Variants in POLA1 observed in about 807,000 individuals in gnomAD.
POLA1 encodes DNA polymerase alpha 1, catalytic subunit, also known as DNA polymerase alpha catalytic subunit.
In POLA1, 15 loss-of-function variants were observed where a neutral mutation model predicts 124.0. The ratio of observed to expected loss-of-function variants is 0.12; its 90% CI spans 0.08 to 0.19. The LOEUF is 0.19. POLA1 is among the 10% of genes least tolerant of loss of function. The probability of loss-of-function intolerance (pLI) is 1.00; values close to 1 mark genes in which losing one functional copy is unlikely to be tolerated. For missense variants in POLA1, 886 were observed against 1,103.4 expected (o/e 0.80, Z 2.79); for synonymous variants, 408 against 389.4 (o/e 1.05, Z -0.56).
chrX:24,759,227 C>T (rs1465001420), intron 26 of POLA1, among the ~76,000 whole-genome samples: 1 of 111,823 alleles, frequency 8.9e-6, no homozygotes, highest in Non-Finnish European at 1.9e-5. Context: ...CTTTTTCCAC[C>T]CATATATTGG....
intron 36 of POLA1, among the ~76,000 whole-genome samples, chrX:24,972,255 G>A (rs1452077844): frequency 1.8e-5 from 2 of 112,412 alleles, no homozygotes; most frequent in Admixed American, 9.5e-5. Context: ...ACAGGCGTGA[G>A]CCACCGGGCC....
chrX:24,717,633 G>A lies in POLA1; in HGVS notation c.962G>A (p.Ser321Asn). 1 of 1,208,849 alleles carries A rather than the reference G, an allele frequency of 8.3e-7. No individual in the cohort carries two copies. Among genetic ancestry groups the A allele is most frequent in the Non-Finnish European group, 1.1e-6 (1 of 892,846 alleles). ...TGGGACATTGATCAAGAAGGTGATA[G>A]CAGTTTCTCAGTGCAAGAAGTTCAA... ...SCWDIDQEGD[S>N]SFSVQEVQVD... Residue 321 changes from serine to asparagine, a missense_variant, in exon 10 of 37, where the codon AGC becomes AAC. Ser to Asn is a conservative substitution (Grantham distance 46, BLOSUM62 1). This residue lies in a region of POLA1 where 337 missense variants were observed against 402.8 expected (regional missense o/e 0.84). Transcript: ENST00000379068.
intron 4 of POLA1, among the ~76,000 whole-genome samples, chrX:24,705,295 T>C (rs1442165913): frequency 8.9e-6 from 1 of 111,945 alleles, no homozygotes; most frequent in African/African-American, 3.2e-5. Flanking sequence ...AGAATAGTTT[T>C]TATGTTTTTA....
intron 4 of POLA1, among the ~76,000 whole-genome samples, chrX:24,710,038 CGGCTG>C (rs1469251704): frequency 9.8e-6 from 1 of 102,442 alleles, no homozygotes; most frequent in African/African-American, 3.5e-5. Context: ...CCAAGGCAGG[CGGCTG>C]CTCCTTGCCC....
At chrX:24,905,159 T>C (rs1295961861) in intron 35 of POLA1, among the ~76,000 whole-genome samples, 1 of 109,638 alleles carries the variant, frequency 9.1e-6, no homozygotes, top group African/African-American at 3.3e-5. Context: ...TACCTAGTAG[T>C]GCACAGAGGA....
In POLA1 at chrX:24,693,946, C is replaced by T. The variant is rs368312162; in HGVS notation, c.-16C>T. The T allele has an allele frequency of 5.3e-5, 63 of 1,188,974 alleles. No individual in the cohort carries two copies. Among genetic ancestry groups the T allele is most frequent in the Non-Finnish European group, 7.0e-5 (62 of 883,696 alleles). On this transcript the variant is annotated 5_prime_UTR_variant, in exon 1 of 37. Transcript: ENST00000379068. The stretch of plus-strand genomic sequence containing the variant: ...AGTTTTGGGCTGGTTGGCGCGGAAT[C>T]GGGAGATTCGGGACCATGGCACCTG...
At chrX:24,915,546 A>G (rs1390474053) in intron 35 of POLA1, among the ~76,000 whole-genome samples, 1 of 111,897 alleles carries the variant, frequency 8.9e-6, no homozygotes, top group Non-Finnish European at 1.9e-5. Flanking sequence ...AAGTTTATCT[A>G]AAAGAAAAGG....
chrX:24,909,660 C>T (rs1601859825), intron 35 of POLA1, among the ~76,000 whole-genome samples: 1 of 111,435 alleles, frequency 9.0e-6, no homozygotes, highest in African/African-American at 3.3e-5. Flanking sequence ...AGTTTGAAGT[C>T]AGGTAGCGTG....
At chrX:24,695,703 C>T (rs1202084694) in intron 1 of POLA1, among the ~76,000 whole-genome samples, 3 of 111,352 alleles carry the variant, frequency 2.7e-5, no homozygotes, top group African/African-American at 9.8e-5. Flanking sequence ...GTCTTGAACT[C>T]CTGATGTCAG....
chrX:24,770,856 T>C (rs2045018494), intron 26 of POLA1, among the ~76,000 whole-genome samples: 1 of 110,905 alleles, frequency 9.0e-6, no homozygotes, highest in Non-Finnish European at 1.9e-5. Flanking sequence ...AAATCTTCTG[T>C]GATTAATTTG....
intron 34 of POLA1, among the ~76,000 whole-genome samples, chrX:24,868,210 C>T (rs745671496): frequency 2.8e-4 from 31 of 111,855 alleles, no homozygotes; most frequent in African/African-American, 9.1e-4. Flanking sequence ...ATGTTGTCCA[C>T]GTTAGGGGAA....
At chrX:24,968,195 G>A (rs2048248405) in intron 36 of POLA1, among the ~76,000 whole-genome samples, 1 of 111,415 alleles carries the variant, frequency 9.0e-6, no homozygotes, top group Non-Finnish European at 1.9e-5. Context: ...ATATAGTTTT[G>A]TTATTAATTT....
At chrX:24,717,992 C>T (rs1301494717) in intron 10 of POLA1, among the ~76,000 whole-genome samples, 2 of 110,952 alleles carry the variant, frequency 1.8e-5, no homozygotes, top group African/African-American at 3.3e-5. Context: ...AAAGTGAATG[C>T]GCCACCCTGA....
At chrX:24,813,924 A>G (rs1207327783) in intron 29 of POLA1, among the ~76,000 whole-genome samples, 1 of 111,933 alleles carries the variant, frequency 8.9e-6, no homozygotes, top group Non-Finnish European at 1.9e-5. Flanking sequence ...TAAAGTTCAC[A>G]TCAATTTTAA....
chrX:24,794,904 T>C (rs2045578306), intron 26 of POLA1, among the ~76,000 whole-genome samples: 1 of 110,748 alleles, frequency 9.0e-6, no homozygotes, highest in Non-Finnish European at 1.9e-5. Context: ...AAATGAAATA[T>C]CGTCAAAAGC....
intron 28 of POLA1, among the ~76,000 whole-genome samples, chrX:24,811,806 A>T (rs1480986238): frequency 8.9e-6 from 1 of 112,042 alleles, no homozygotes; most frequent in Non-Finnish European, 1.9e-5. Flanking sequence ...ATACATACAT[A>T]TACACTCACA....
chrX:24,852,618 CT>C (rs2046580392), intron 34 of POLA1, among the ~76,000 whole-genome samples: 1 of 112,117 alleles, frequency 8.9e-6, no homozygotes, highest in African/African-American at 3.2e-5. Context: ...CTGACCTCAG[CT>C]TGCTTTTGAA....
chrX:24,928,774 T>C (rs1201277554), intron 35 of POLA1, among the ~76,000 whole-genome samples: 12 of 111,910 alleles, frequency 1.1e-4, no homozygotes, highest in South Asian at 3.8e-4. Flanking sequence ...TCCTTTTTTT[T>C]CCCCCAGGAA....
intron 36 of POLA1, among the ~76,000 whole-genome samples, chrX:24,989,923 G>C (rs1325536658): frequency 9.0e-6 from 1 of 111,653 alleles, no homozygotes; most frequent in East Asian, 2.8e-4. Flanking sequence ...GAATCATGTG[G>C]AGGATAAAAT....
Sources: gnomAD v4.1 joint callset for allele counts (sites outside exome capture counted in the v4.1 genomes callset) on GRCh38, gnomAD v4.1.1 for gene constraint, gnomAD v4.1.1 regional missense constraint, MANE v1.5 for transcripts, NCBI Gene and HGNC (gene_info 2026-07-23, HGNC 2026-07-21) for gene names.